EPHA3: variants seen among roughly 807,000 people sequenced by gnomAD.
EPHA3 encodes the protein EPH receptor A3.
In EPHA3, 42 loss-of-function variants were observed where a neutral mutation model predicts 107.1. That is an observed-to-expected ratio of 0.39 (90% CI 0.31 to 0.51). The LOEUF is 0.51. Ranked by LOEUF, EPHA3 falls within the 20% of genes least tolerant of loss-of-function variation. The pLI, the probability that EPHA3 is intolerant of heterozygous loss-of-function variation, is 0.78. For missense variants in EPHA3, 1,183 were observed against 1,211.2 expected (o/e 0.98, Z 0.35); for synonymous variants, 461 against 424.8 (o/e 1.09, Z -1.05).
intron 1 of EPHA3, among the ~76,000 whole-genome samples, chr3:89,124,353 T>C (rs1387630955): frequency 6.6e-6 from 1 of 152,166 alleles, no homozygotes; most frequent in Non-Finnish European, 1.5e-5. Context: ...ACCTCAATTA[T>C]GCTGTATACT....
intron 3 of EPHA3, among the ~76,000 whole-genome samples, chr3:89,288,948 A>G (rs1706150860): frequency 6.6e-6 from 1 of 152,180 alleles, no homozygotes; most frequent in Non-Finnish European, 1.5e-5. Flanking sequence ...ACAAAATATC[A>G]TTTATGTATA....
In EPHA3 at chr3:89,152,649, A is replaced by AT. The variant is rs532922284; in HGVS notation, c.153+25380dup. Among the ~76,000 whole-genome samples the AT allele has an allele frequency of 1.9e-3, 292 of 152,236 alleles. 1 individual carries two copies. Among genetic ancestry groups the AT allele is most frequent in the African/African-American group, 6.4e-3 (268 of 41,576 alleles). The stretch of plus-strand genomic sequence containing the variant: ...TACTTTTTAAAAAGAACGTGCTTAC[A>AT]TTTTCCATCCAGTCAATGTTTTTTA... On this transcript the variant is annotated intron_variant, in intron 2 of 16. Coordinates refer to ENST00000336596, the MANE Select transcript of EPHA3 (RefSeq NM_005233.6).
intron 13 of EPHA3, among the ~76,000 whole-genome samples, chr3:89,440,413 A>G (rs901416548): frequency 6.6e-6 from 1 of 152,214 alleles, no homozygotes; most frequent in African/African-American, 2.4e-5. Flanking sequence ...ATTGGCAGGC[A>G]GAGATTTGTA....
chr3:89,443,002 G>A (rs1709813068), intron 13 of EPHA3, among the ~76,000 whole-genome samples: 1 of 152,086 alleles, frequency 6.6e-6, no homozygotes, highest in Non-Finnish European at 1.5e-5. Flanking sequence ...ACATCATGGA[G>A]TAAAATCATA....
At chr3:89,128,603 A>G (rs149310458) in intron 2 of EPHA3, among the ~76,000 whole-genome samples, 84 of 151,844 alleles carry the variant, frequency 5.5e-4, no homozygotes, top group Middle Eastern at 3.5e-3. Context: ...GATATAAGAA[A>G]AGCAAAAGCT....
intron 5 of EPHA3, among the ~76,000 whole-genome samples, chr3:89,350,326 T>G (rs1559658671): frequency 6.7e-6 from 1 of 149,560 alleles, no homozygotes; most frequent in African/African-American, 2.5e-5. Flanking sequence ...CTTTTTATTC[T>G]TTTTTCTCTA....
intron 13 of EPHA3, among the ~76,000 whole-genome samples, chr3:89,442,078 T>C (rs912984788): frequency 1.3e-5 from 2 of 152,088 alleles, no homozygotes; most frequent in Admixed American, 1.3e-4. Flanking sequence ...AATTGATGCT[T>C]AATTTATAAA....
intron 3 of EPHA3, among the ~76,000 whole-genome samples, chr3:89,212,383 A>AG (rs1290410637): frequency 2.6e-5 from 4 of 152,128 alleles, no homozygotes; most frequent in Non-Finnish European, 5.9e-5. Context: ...TCCTTTTAAA[A>AG]GGGTAACACT....
chr3:89,302,119 G>A (rs571519568), intron 3 of EPHA3, among the ~76,000 whole-genome samples: 1 of 152,108 alleles, frequency 6.6e-6, no homozygotes, highest in South Asian at 2.1e-4. Context: ...TTATGTTAGA[G>A]GATGGCATAG....
At chr3:89,290,324 G>A (rs1559634296) in intron 3 of EPHA3, among the ~76,000 whole-genome samples, 1 of 152,060 alleles carries the variant, frequency 6.6e-6, no homozygotes, top group Non-Finnish European at 1.5e-5. Context: ...AACTTACTCT[G>A]ATATATTCCT....
intron 2 of EPHA3, among the ~76,000 whole-genome samples, chr3:89,141,429 G>T (rs1220639421): frequency 6.6e-6 from 1 of 151,514 alleles, no homozygotes; most frequent in South Asian, 2.1e-4. Context: ...AGGCAGAAAG[G>T]GGGTAGAGAA....
chr3:89,161,061 C>T (rs1704927224), intron 2 of EPHA3, among the ~76,000 whole-genome samples: 1 of 152,080 alleles, frequency 6.6e-6, no homozygotes, highest in Non-Finnish European at 1.5e-5. Flanking sequence ...GAGTGATGAT[C>T]TCATCTCACA....
At chr3:89,314,701 A>G (rs1428928584) in intron 3 of EPHA3, among the ~76,000 whole-genome samples, 2 of 152,006 alleles carry the variant, frequency 1.3e-5, no homozygotes, top group Non-Finnish European at 2.9e-5. Flanking sequence ...CAAATGGACC[A>G]TAAAGCCTGG....
chr3:89,221,137 G>A (rs1216323614), intron 3 of EPHA3, among the ~76,000 whole-genome samples: 1 of 152,032 alleles, frequency 6.6e-6, no homozygotes, highest in Non-Finnish European at 1.5e-5. Flanking sequence ...AGAGGCTGAG[G>A]TACCTGAAGC....
At chr3:89,325,198 C>T (rs1707138538) in intron 3 of EPHA3, among the ~76,000 whole-genome samples, 1 of 152,148 alleles carries the variant, frequency 6.6e-6, no homozygotes, top group Non-Finnish European at 1.5e-5. Context: ...TTATTTTATA[C>T]TCTCTTCCAC....
chr3:89,199,044 T>G (rs1705908195), intron 2 of EPHA3, among the ~76,000 whole-genome samples: 1 of 152,202 alleles, frequency 6.6e-6, no homozygotes, highest in Non-Finnish European at 1.5e-5. Context: ...ATTGGAAACA[T>G]GCTAGTCTCA....
intron 2 of EPHA3, among the ~76,000 whole-genome samples, chr3:89,167,140 A>G (rs1705090038): frequency 6.6e-6 from 1 of 152,218 alleles, no homozygotes; most frequent in South Asian, 2.1e-4. Flanking sequence ...ATGGACAGAT[A>G]GTATTGTATA....
chr3:89,121,486 C>T (rs1395268441), intron 1 of EPHA3, among the ~76,000 whole-genome samples: 1 of 152,050 alleles, frequency 6.6e-6, no homozygotes, highest in African/African-American at 2.4e-5. Context: ...TGGCTGGGCA[C>T]GGTGGCTCAC....
chr3:89,155,535 T>C (rs561066935), intron 2 of EPHA3, among the ~76,000 whole-genome samples: 1 of 152,188 alleles, frequency 6.6e-6, no homozygotes, highest in African/African-American at 2.4e-5. Flanking sequence ...TAGATTACCT[T>C]ACAATTGCAA....
Sources: gnomAD v4.1 joint callset for allele counts (sites outside exome capture counted in the v4.1 genomes callset) on GRCh38, gnomAD v4.1.1 for gene constraint, MANE v1.5 for transcripts, NCBI Gene and HGNC (gene_info 2026-07-23, HGNC 2026-07-21) for gene names.